The following FAM53A variants were observed in gnomAD, a reference collection of about 807,000 sequenced individuals.
FAM53A encodes the protein protein FAM53A.
In FAM53A, 28 loss-of-function variants were observed where a neutral mutation model predicts 26.6. The ratio of observed to expected loss-of-function variants is 1.05; its 90% CI spans 0.78 to 1.45. The LOEUF is 1.45. Among genes scored for constraint, FAM53A ranks in the 40% most tolerant of loss-of-function variants. The pLI is 0.00. For missense variants in FAM53A, 650 were observed against 575.8 expected (o/e 1.13, Z -1.32); for synonymous variants, 290 against 253.1 (o/e 1.15, Z -1.38).
At chr4:1,645,821 C>G (rs780353467) in intron 4 of FAM53A, among the ~76,000 whole-genome samples, 1 of 152,230 alleles carries the variant, frequency 6.6e-6, no homozygotes, top group Non-Finnish European at 1.5e-5. Context: ...TCGGTCTGCG[C>G]CGTCTCAAAC....
downstream of FAM53A, chr4:1,617,875 G>A (rs528575342): frequency 2.4e-4 from 89 of 373,260 alleles, 1 homozygote; most frequent in South Asian, 1.7e-3. Context: ...TGAAGGGAGC[G>A]CCTGCATGTC....
At chr4:1,662,649 CAAA>C (rs34936313) in intron 2 of FAM53A, among the ~76,000 whole-genome samples, 45 of 104,468 alleles carry the variant, frequency 4.3e-4, no homozygotes, top group Admixed American at 5.9e-4. Flanking sequence ...GGCCCTGTCT[CAAA>C]AAAAAAAAAA....
At chr4:1,587,300 A>G in the FAM53A span, among the ~76,000 whole-genome samples, 1 of 152,172 alleles carries the variant, frequency 6.6e-6, no homozygotes, top group Non-Finnish European at 1.5e-5. Flanking sequence ...GGTCATATCC[A>G]AAAAATCATT....
chr4:1,673,720 G>A lies in FAM53A; in HGVS notation c.-164-4815C>T, dbSNP rs77549851. On this transcript the variant is annotated intron_variant, in intron 1 of 4. Transcript: ENST00000308132. ...CTGCACTCCAGTGTGGTGACCGAGC[G>A]AGACTCCGTTTCAAAAAAAAATCAG... Among the ~76,000 whole-genome samples the A allele has an allele frequency of 1.7e-4, 26 of 152,300 alleles. No individual in the cohort carries two copies. In the East Asian group the frequency reaches 4.1e-3, roughly 24 times the overall value.
At chr4:1,619,023 G>A (rs995878575) in intron 1 of FAM53A, among the ~76,000 whole-genome samples, 39 of 152,186 alleles carry the variant, frequency 2.6e-4, no homozygotes, top group Non-Finnish European at 4.4e-4. Context: ...GCCGCAGAGC[G>A]TCCACAGGTG....
chr4:1,633,809 A>G (rs1030856705), intron 1 of FAM53A, among the ~76,000 whole-genome samples: 1 of 152,194 alleles, frequency 6.6e-6, no homozygotes, highest in East Asian at 1.9e-4. Context: ...ACCATTCTCC[A>G]AGAACATATA....
intron 2 of FAM53A, 31 bp from the exon 3 acceptor site, chr4:1,657,499 A>G (rs1468395140): frequency 1.2e-6 from 2 of 1,600,126 alleles, no homozygotes; most frequent in Non-Finnish European, 1.7e-6. Flanking sequence ...CAATACTGTG[A>G]CTGACACGTG....
chr4:1,580,611 C>G, the FAM53A span, among the ~76,000 whole-genome samples: 2 of 148,274 alleles, frequency 1.3e-5, no homozygotes, highest in South Asian at 2.1e-4. Flanking sequence ...CCGCCTAGGC[C>G]CTGCCTCCTG....
the FAM53A span, among the ~76,000 whole-genome samples, chr4:1,591,443 C>T: frequency 9.2e-5 from 14 of 152,256 alleles, no homozygotes; most frequent in Admixed American, 5.9e-4. Flanking sequence ...AGAGAGAATG[C>T]GCATGCACAT....
chr4:1,611,333 C>T, the FAM53A span, among the ~76,000 whole-genome samples: 11 of 152,170 alleles, frequency 7.2e-5, no homozygotes, highest in Admixed American at 2.6e-4. Context: ...CACCCCAGTT[C>T]GAAGCCTTGG....
At chr4:1,599,250 C>A in the FAM53A span, among the ~76,000 whole-genome samples, 1 of 49,084 alleles carries the variant, frequency 2.0e-5, no homozygotes, top group East Asian at 2.9e-4. The surrounding 1 kb of genome is among the most constrained non-coding windows in gnomAD (Gnocchi z 6.1). Context: ...TCCAACCCTG[C>A]CTGGTACTTC....
chr4:1,653,130 A>C (rs1713026554), intron 4 of FAM53A, among the ~76,000 whole-genome samples: 1 of 151,678 alleles, frequency 6.6e-6, no homozygotes, highest in Non-Finnish European at 1.5e-5. Flanking sequence ...CACACAGCAC[A>C]TAGCACGTGT....
rs1466220974 is a variant in FAM53A, at chr4:1,659,003, T to C, written c.76-1535A>G. 6.6e-6 allele frequency among the ~76,000 whole-genome samples: 1 copy of C among 152,270 alleles called. No individual in the cohort carries two copies. Among genetic ancestry groups the C allele is most frequent in the Non-Finnish European group, 1.5e-5 (1 of 68,042 alleles). On this transcript the variant is annotated intron_variant, in intron 2 of 4. Transcript: ENST00000308132. The surrounding 1 kb of genome is among the most constrained non-coding windows in gnomAD (Gnocchi z 5.2). The stretch of plus-strand genomic sequence containing the variant: ...CCTAAGCCCATGGCATCACGTCCTA[T>C]GATAACATTTCCAAACACGATAAAA...
Position 1,657,332 on chromosome 4 carries a change from G to A in FAM53A, c.136+76C>T, listed in dbSNP as rs535962796. On this transcript the variant is annotated intron_variant, in intron 3 of 4. Transcript: ENST00000308132. ...TCTGCAGATCCGGCTCATGTTCTGCGTCCAGGACCCTCCCAGCCCAGGAGC... is the reference window on the plus strand; with the variant it reads ...TCTGCAGATCCGGCTCATGTTCTGCATCCAGGACCCTCCCAGCCCAGGAGC... The A allele has an allele frequency of 1.2e-4, 165 of 1,371,000 alleles. 1 individual carries two copies. The highest frequency in any genetic ancestry group is 7.9e-4 in the South Asian group (66 of 83,100). 84.9% of individuals were successfully genotyped at this position (1,371,000 alleles called of 1,614,324 possible).
At chr4:1,644,385 ACAGT>A (rs1352766459) in intron 4 of FAM53A, 7 of 1,530,678 alleles carry the variant, frequency 4.6e-6, no homozygotes, top group Non-Finnish European at 6.1e-6. Flanking sequence ...TCTGGACGAC[ACAGT>A]CGGTGCAGGA....
At chr4:1,678,235 T>C (rs1437027891) in intron 1 of FAM53A, among the ~76,000 whole-genome samples, 3 of 151,962 alleles carry the variant, frequency 2.0e-5, no homozygotes, top group Non-Finnish European at 4.4e-5. Flanking sequence ...CCTAGCTACT[T>C]AGAAGGCAGA....
chr4:1,615,235 C>T (rs1415934610), downstream of FAM53A, among the ~76,000 whole-genome samples: 1 of 146,816 alleles, frequency 6.8e-6, no homozygotes, highest in Non-Finnish European at 1.5e-5. Flanking sequence ...CCCATCCCGC[C>T]TGGGCACACA....
At chr4:1,600,929 C>T in the FAM53A span, among the ~76,000 whole-genome samples, 12 of 152,332 alleles carry the variant, frequency 7.9e-5, no homozygotes, top group South Asian at 2.1e-4. Context: ...TTAGGCTCGA[C>T]GTCTGGGACA....
Position 1,640,448 on chromosome 4 carries a change from C to T in FAM53A, c.*845G>A. The T allele has an allele frequency of 3.4e-6, 1 of 289,890 alleles. No individual in the cohort carries two copies. Among genetic ancestry groups the T allele is most frequent in the Non-Finnish European group, 6.5e-6 (1 of 153,742 alleles). 18.0% of individuals were successfully genotyped at this position (289,890 alleles called of 1,614,324 possible). On this transcript the variant is annotated 3_prime_UTR_variant, in exon 5 of 5. Transcript: ENST00000308132. ...CACAGCAGGCCTTTCGTGGGGAACA[C>T]AGACGCATGTTAATCTGTTTGCAGA...
Sources: allele counts gnomAD v4.1 joint callset (sites outside exome capture counted in the v4.1 genomes callset), GRCh38; gene constraint gnomAD v4.1.1; non-coding constraint Gnocchi (gnomAD v3.1); transcripts MANE v1.5; gene names NCBI Gene and HGNC (gene_info 2026-07-23, HGNC 2026-07-21).